The following GAREM1 variants were observed in gnomAD, a reference collection of about 807,000 sequenced individuals.
GAREM1 encodes GRB2 associated regulator of MAPK1 subtype 1, also known as GRB2-associated and regulator of MAPK protein 1.
In GAREM1, 26 loss-of-function variants were observed where a neutral mutation model predicts 71.3. The ratio of observed to expected loss-of-function variants is 0.36; its 90% CI spans 0.27 to 0.51. GAREM1 has a LOEUF of 0.51. Ranked by LOEUF, GAREM1 falls within the 20% of genes least tolerant of loss-of-function variation. The pLI, the probability that GAREM1 is intolerant of heterozygous loss-of-function variation, is 0.95. For missense variants in GAREM1, 1,026 were observed against 1,103.1 expected, an observed-to-expected ratio of 0.93 and a Z score of 0.99; for synonymous variants, 440 against 433.2, an observed-to-expected ratio of 1.02 and a Z score of -0.20.
intron 1 of GAREM1, among the ~76,000 whole-genome samples, chr18:32,440,295 T>C (rs1169063931): frequency 4.6e-5 from 7 of 152,212 alleles, no homozygotes; most frequent in South Asian, 2.1e-4. Flanking sequence ...ACACGGCTTC[T>C]ACATGACTCT....
chr18:32,446,577 G>A (rs915611830), intron 1 of GAREM1, among the ~76,000 whole-genome samples: 15 of 152,066 alleles, frequency 9.9e-5, no homozygotes, highest in African/African-American at 1.7e-4. Context: ...TCACACACAG[G>A]GACAAGAGGA....
intron 3 of GAREM1, among the ~76,000 whole-genome samples, chr18:32,289,948 T>C (rs1390337891): frequency 6.6e-6 from 1 of 152,122 alleles, no homozygotes; most frequent in Non-Finnish European, 1.5e-5. Flanking sequence ...ACAGGGAATG[T>C]AACTGTATTT....
chr18:32,446,656 A>G (rs2048788770), intron 1 of GAREM1, among the ~76,000 whole-genome samples: 1 of 152,252 alleles, frequency 6.6e-6, no homozygotes, highest in African/African-American at 2.4e-5. Context: ...AACAAAAAAC[A>G]GAAGTTGACA....
chr18:32,450,297 C>A (rs181922644), intron 1 of GAREM1, among the ~76,000 whole-genome samples: 19 of 152,276 alleles, frequency 1.2e-4, no homozygotes, highest in Non-Finnish European at 2.1e-4. Flanking sequence ...TCTAAGGGTA[C>A]CTTTTAAATC....
chr18:32,372,824 C>A (rs1305988705), intron 2 of GAREM1, among the ~76,000 whole-genome samples: 1 of 152,174 alleles, frequency 6.6e-6, no homozygotes, highest in Non-Finnish European at 1.5e-5. Context: ...AGGTGGCCCA[C>A]AAATACTTCC....
At chr18:32,401,209 G>A (rs2048312377) in intron 1 of GAREM1, among the ~76,000 whole-genome samples, 1 of 152,062 alleles carries the variant, frequency 6.6e-6, no homozygotes, top group South Asian at 2.1e-4. Context: ...ATAGCATTAG[G>A]AGATACACCT....
At chr18:32,291,332 AAAC>A (rs1287972344) in intron 3 of GAREM1, among the ~76,000 whole-genome samples, 1 of 150,358 alleles carries the variant, frequency 6.7e-6, no homozygotes, top group Admixed American at 6.6e-5. Context: ...AAAAAAAAAA[AAAC>A]CAAAAACATG....
intron 1 of GAREM1, chr18:32,412,233 A>G (rs1463311302): frequency 1.5e-5 from 23 of 1,572,560 alleles, no homozygotes; most frequent in Non-Finnish European, 2.0e-5. Context: ...TCTGCCACTG[A>G]CACAGCTACT....
chr18:32,270,338 G>T lies in GAREM1; in HGVS notation c.1612C>A (p.Arg538=). The stretch of plus-strand genomic sequence containing the variant: ...CTGGTGGACAAAGGCTTTGCGCTTC[G>T]GGGTGGAACAGGTGGGGCGTTCAGG... The part of the protein sequence containing the change: ...RLLNAPPVPP[R]SAKPLSTSPS... Residue 538 remains arginine (R), a synonymous_variant, in exon 5 of 6, where the codon CGA becomes AGA. Coordinates refer to ENST00000269209, the MANE Select transcript of GAREM1 (RefSeq NM_001242409.2). The T allele has an allele frequency of 6.2e-7, 1 of 1,613,942 alleles. No individual in the cohort carries two copies.
chr18:32,320,078 T>C (rs1483317212), intron 2 of GAREM1, among the ~76,000 whole-genome samples: 1 of 152,208 alleles, frequency 6.6e-6, no homozygotes, highest in Non-Finnish European at 1.5e-5. Context: ...TCTTGATACA[T>C]ATTGTCAAAC....
intron 2 of GAREM1, among the ~76,000 whole-genome samples, chr18:32,346,822 G>C (rs1043526231): frequency 6.6e-5 from 10 of 152,182 alleles, no homozygotes; most frequent in Non-Finnish European, 1.5e-4. Context: ...TTACAAAGTA[G>C]AGTTGAACTG....
At chr18:32,301,072 T>C (rs1015501860) in intron 3 of GAREM1, among the ~76,000 whole-genome samples, 3 of 152,184 alleles carry the variant, frequency 2.0e-5, no homozygotes, top group African/African-American at 7.2e-5. Flanking sequence ...TGGGAAAATA[T>C]ATTGGCTGCT....
intron 2 of GAREM1, among the ~76,000 whole-genome samples, chr18:32,343,311 G>GTTTTTTTGTTTTTGTTTTTT (rs2047664721): frequency 8.4e-6 from 1 of 118,886 alleles, no homozygotes; most frequent in African/African-American, 3.4e-5. Flanking sequence ...CTCCCCCACT[G>GTTTTTTTGTTTTTGTTTTTT]TTTTTTTTTT....
chr18:32,453,772 C>T (rs1181180070), intron 1 of GAREM1, among the ~76,000 whole-genome samples: 1 of 152,082 alleles, frequency 6.6e-6, no homozygotes, highest in East Asian at 1.9e-4. Flanking sequence ...TGGCAGGACC[C>T]CCATTCGATC....
chr18:32,458,275 C>T (rs1599063106), intron 1 of GAREM1, among the ~76,000 whole-genome samples: 1 of 152,052 alleles, frequency 6.6e-6, no homozygotes, highest in Non-Finnish European at 1.5e-5. Context: ...ACAATGAAGT[C>T]ATCTTTGGGG....
intron 1 of GAREM1, among the ~76,000 whole-genome samples, chr18:32,410,889 G>A (rs146118898): frequency 0.016 from 2,463 of 152,184 alleles, 81 homozygotes; most frequent in African/African-American, 0.057. Flanking sequence ...TGCAACCTCC[G>A]TCTCCCGGGT....
intron 1 of GAREM1, among the ~76,000 whole-genome samples, chr18:32,394,212 C>A (rs994028014): frequency 2.0e-5 from 3 of 151,908 alleles, no homozygotes; most frequent in African/African-American, 7.3e-5. Context: ...CATGCCTGGG[C>A]AACATGGCAA....
chr18:32,287,409 A>G lies in GAREM1; in HGVS notation c.1188T>C (p.His396=). 1 of 1,614,216 alleles carries G rather than the reference A, an allele frequency of 6.2e-7. No homozygotes were observed. The highest frequency in any genetic ancestry group is 1.3e-5 in the African/African-American group (1 of 75,058). ...CATGAAGGTTCACCTCACTGTTGCC[A>G]TGGAGATTGTTGCCATACACACAGA... ...LSVCVYGNNL[H]GNSEVNLHGC... Residue 396 remains histidine, a synonymous_variant, in exon 4 of 6, where the codon CAT becomes CAC. Coordinates refer to ENST00000269209, the MANE Select transcript of GAREM1 (RefSeq NM_001242409.2). This position sits in a 1 kb window ranked among gnomAD's most constrained non-coding sequence, Gnocchi z 5.9.
intron 2 of GAREM1, among the ~76,000 whole-genome samples, chr18:32,384,577 C>T (rs550000352): frequency 1.5e-3 from 235 of 152,222 alleles, no homozygotes; most frequent in Middle Eastern, 6.8e-3. Flanking sequence ...TTTTTTATGT[C>T]CACTTTTGCT....
Sources: allele counts gnomAD v4.1 joint callset (sites outside exome capture counted in the v4.1 genomes callset), GRCh38; gene constraint gnomAD v4.1.1; non-coding constraint Gnocchi (gnomAD v3.1); transcripts MANE v1.5; gene names NCBI Gene and HGNC (gene_info 2026-07-23, HGNC 2026-07-21).